ABR: variants seen among roughly 807,000 people sequenced by gnomAD.
ABR encodes ABR activator of RhoGEF and GTPase.
In ABR, 35 loss-of-function variants were observed where a neutral mutation model predicts 107.2. The ratio of observed to expected loss-of-function variants is 0.33; its 90% CI spans 0.25 to 0.43. The LOEUF (loss-of-function observed/expected upper bound fraction) is 0.43. Among genes scored for constraint, ABR ranks in the 20% least tolerant of loss-of-function variants. The pLI is 1.00. For missense variants in ABR, 815 were observed against 1,115.2 expected (o/e 0.73, Z 3.83); for synonymous variants, 498 against 462.0 (o/e 1.08, Z -1.00).
chr17:1,096,963 G>A (rs534951327), intron 3 of ABR, among the ~76,000 whole-genome samples: 2 of 151,574 alleles, frequency 1.3e-5, no homozygotes, highest in Admixed American at 6.6e-5. Context: ...GGAGAGAGCC[G>A]GGGAAGGGGG....
In ABR at chr17:1,094,301, G is replaced by T. The variant is rs200234252; in HGVS notation, c.346-2451C>A. ...CCAGCAGCCTCATGTGTGAAACTGGGATAATACAGCCATGCGCTACCTACT... is the reference window on the plus strand; with the variant it reads ...CCAGCAGCCTCATGTGTGAAACTGGTATAATACAGCCATGCGCTACCTACT... On this transcript the variant is annotated intron_variant, in intron 3 of 22. Coordinates refer to ENST00000302538, the MANE Select transcript of ABR (RefSeq NM_021962.5). Among the ~76,000 whole-genome samples the T allele has an allele frequency of 1.4e-4, 21 of 152,200 alleles. No homozygotes were observed. The East Asian group carries it at 4.1e-3, about 29-fold the overall frequency.
At chr17:1,028,948 G>A (rs1241374585) in intron 16 of ABR, among the ~76,000 whole-genome samples, 2 of 152,028 alleles carry the variant, frequency 1.3e-5, no homozygotes, top group African/African-American at 2.4e-5. Flanking sequence ...GCAGGGTGGG[G>A]GGGTTCCTCC....
chr17:1,067,288 C>G, intron 9 of ABR, 46 bp from the exon 10 acceptor site: 1 of 1,514,896 alleles, frequency 6.6e-7, no homozygotes, highest in Non-Finnish European at 8.8e-7. Flanking sequence ...GAGCCTGGCT[C>G]TTCCAGCCTC....
At chr17:1,032,054 C>T (rs1253700897) in intron 16 of ABR, among the ~76,000 whole-genome samples, 1 of 151,710 alleles carries the variant, frequency 6.6e-6, no homozygotes, top group African/African-American at 2.4e-5. Flanking sequence ...TCCTCCCCGA[C>T]CCCGCCGCCC....
At chr17:1,049,543 A>G (rs1228873835) in intron 16 of ABR, among the ~76,000 whole-genome samples, 1 of 152,130 alleles carries the variant, frequency 6.6e-6, no homozygotes, top group African/African-American at 2.4e-5. Flanking sequence ...CTCCCAACGC[A>G]GCTGAGTAAG....
chr17:1,077,650 C>G (rs2035840674), intron 6 of ABR, among the ~76,000 whole-genome samples: 1 of 152,102 alleles, frequency 6.6e-6, no homozygotes, highest in Non-Finnish European at 1.5e-5. Flanking sequence ...TGGGAAGGAG[C>G]CCAGGAAACC....
Position 1,100,721 on chromosome 17 carries a change from T to C in ABR, c.261A>G (p.Lys87=), listed in dbSNP as rs1016832863. 7.4e-6 allele frequency: 12 copies of C among 1,613,944 alleles called. No individual in the cohort carries two copies. In the Middle Eastern group the frequency reaches 4.9e-4, roughly 66 times the overall value. ...EGLAPGVEAG[K]GLEMRKLVLS... ...GAACCAGCTTCCTCATCTCCAGGCC[T>C]TTCCCTGCTTCCACCTGCACAAACG... is the stretch of plus-strand genomic sequence containing the variant. The change falls in exon 3 of 23, where the codon AAA becomes AAG. Residue 87 remains lysine, a synonymous_variant. Coordinates refer to ENST00000302538, the MANE Select transcript of ABR (RefSeq NM_021962.5).
intron 1 of ABR, among the ~76,000 whole-genome samples, chr17:1,132,534 A>G (rs906888957): frequency 6.6e-6 from 1 of 151,904 alleles, no homozygotes; most frequent in Non-Finnish European, 1.5e-5. Flanking sequence ...ATGCACCACC[A>G]TGCCTGGCTA....
intron 16 of ABR, among the ~76,000 whole-genome samples, chr17:1,015,830 G>A (rs1363176566): frequency 1.3e-5 from 2 of 152,128 alleles, no homozygotes; most frequent in African/African-American, 2.4e-5. Flanking sequence ...TGAGATGGGC[G>A]GAACATTTTT....
At position 1,046,652 on chromosome 17, in the gene ABR, C is replaced by T. The variant is rs570023074; in HGVS notation, c.1791+3398G>A. Among the ~76,000 whole-genome samples, 64 of 152,390 alleles carry T rather than the reference C, an allele frequency of 4.2e-4. 1 individual carries two copies. Among genetic ancestry groups the T allele is most frequent in the African/African-American group, 1.3e-3 (56 of 41,592 alleles). ...CCATAAAGCAGCACCTCAGCTGCTTCTCCAGGCCATTAGCCATGCCACGGC... is the reference window on the plus strand; with the variant it reads ...CCATAAAGCAGCACCTCAGCTGCTTTTCCAGGCCATTAGCCATGCCACGGC... On this transcript the variant is annotated intron_variant, in intron 16 of 22. Transcript: ENST00000302538.
In ABR at chr17:1,178,564, C is replaced by CAA. The variant is rs11301468; in HGVS notation, c.61+1101_61+1102dup. On this transcript the variant is annotated intron_variant, in intron 1 of 22. Transcript: ENST00000302538. ...GGGCGACAGAGCCGAGACTCCGTCT[C>CAA]AAAAAAAAAAAAAAAGAAAGAAAAC... Among the ~76,000 whole-genome samples the CAA allele has an allele frequency of 2.1e-3, 260 of 121,892 alleles. 1 individual carries two copies. Among genetic ancestry groups the CAA allele is most frequent in the African/African-American group, 6.7e-3 (242 of 35,862 alleles). 80.0% of individuals were successfully genotyped at this position (121,892 alleles called of 152,430 possible).
chr17:1,028,643 G>A (rs964967918), intron 16 of ABR, among the ~76,000 whole-genome samples: 1 of 152,218 alleles, frequency 6.6e-6, no homozygotes, highest in African/African-American at 2.4e-5. Flanking sequence ...GGTCAGCAGT[G>A]CCGGTGTCCA....
At position 1,050,513 on chromosome 17, in the gene ABR, G is replaced by C; in HGVS notation, c.1659+24C>G. On this transcript the variant is annotated intron_variant, in intron 15 of 22. Coordinates refer to ENST00000302538, the MANE Select transcript of ABR (RefSeq NM_021962.5). The surrounding 1 kb of genome is among the most constrained non-coding windows in gnomAD (Gnocchi z 4.6). ...AGCACGGGGTGGTGGGGTCCCCACA[G>C]AGATGCCAGCCCCTGCCACTCACCT... 6.2e-7 allele frequency: 1 copy of C among 1,606,130 alleles called. No homozygotes were observed. The highest frequency in any genetic ancestry group is 1.3e-5 in the African/African-American group (1 of 74,852).
rs905639717 is a variant in ABR, at chr17:1,012,617, G to C, written c.1961+71C>G. On this transcript the variant is annotated intron_variant, in intron 18 of 22. Coordinates refer to ENST00000302538, the MANE Select transcript of ABR (RefSeq NM_021962.5). ...GCCAGGATGGGCACCGGCGGGGAGG[G>C]CTGGGGGGCCCGGGCTGGGGGGGAC... 3 of 1,178,696 alleles carry C rather than the reference G, an allele frequency of 2.5e-6. No individual in the cohort carries two copies. The African/African-American group carries it at 4.6e-5, about 18-fold the overall frequency. 73.0% of individuals were successfully genotyped at this position (1,178,696 alleles called of 1,614,324 possible).
At chr17:1,058,127 T>A in intron 11 of ABR, 82 bp from the exon 12 acceptor site, 123 of 598,720 alleles carry the variant, frequency 2.1e-4, no homozygotes, top group Middle Eastern at 4.7e-4. Context: ...CCAACAAAGC[T>A]CCTTTTATCT....
rs935282986 is a variant in ABR, at chr17:1,084,878, G to T, written c.532-1251C>A. Among the ~76,000 whole-genome samples, 1 of 151,974 alleles carries T rather than the reference G, an allele frequency of 6.6e-6. No homozygotes were observed. The highest frequency in any genetic ancestry group is 1.5e-5 in the Non-Finnish European group (1 of 68,008). ...GGCTGCAGTACAGTGGTGCGATCTC[G>T]GCTCACCGCAACCTCCCGGATTCAA... On this transcript the variant is annotated intron_variant, in intron 4 of 22. Coordinates refer to ENST00000302538, the MANE Select transcript of ABR (RefSeq NM_021962.5). This position sits in a 1 kb window ranked among gnomAD's most constrained non-coding sequence, Gnocchi z 4.2.
At position 1,108,850 on chromosome 17, in the gene ABR, C is replaced by A. The variant is rs564161594; in HGVS notation, c.247-8115G>T. The A allele has an allele frequency of 5.1e-3, 7,379 of 1,437,790 alleles. 47 individuals carry two copies. The highest frequency in any genetic ancestry group is 5.1e-3 in the Non-Finnish European group (5,537 of 1,093,260). 89.1% of individuals were successfully genotyped at this position (1,437,790 alleles called of 1,614,324 possible). ...GGCTTCCACCCGGCCGCGCGCTCTG[C>A]GCCCGCATCAGCCATTTCTCCCGCG... On this transcript the variant is annotated intron_variant, in intron 2 of 22. Coordinates refer to ENST00000302538, the MANE Select transcript of ABR (RefSeq NM_021962.5).
chr17:1,159,126 T>C (rs2041157515), intron 1 of ABR, among the ~76,000 whole-genome samples: 1 of 152,214 alleles, frequency 6.6e-6, no homozygotes. Flanking sequence ...ACCAACTATA[T>C]TAAACTACTG....
At chr17:1,214,785 G>C (rs757982655) in intron 1 of ABR, among the ~76,000 whole-genome samples, 3 of 141,166 alleles carry the variant, frequency 2.1e-5, no homozygotes, top group Non-Finnish European at 3.0e-5. Context: ...TAGGCAACAA[G>C]AGCGAAACTC....
Sources: allele counts gnomAD v4.1 joint callset (sites outside exome capture counted in the v4.1 genomes callset), GRCh38; gene constraint gnomAD v4.1.1; non-coding constraint Gnocchi (gnomAD v3.1); transcripts MANE v1.5; gene names NCBI Gene and HGNC (gene_info 2026-07-23, HGNC 2026-07-21).